HMCN2: variants seen among roughly 807,000 people sequenced by gnomAD.
The protein encoded by HMCN2 is hemicentin 2.
In HMCN2, 325 loss-of-function variants were observed where a neutral mutation model predicts 377.5. The ratio of observed to expected loss-of-function variants is 0.86; its 90% CI spans 0.79 to 0.94. The LOEUF (loss-of-function observed/expected upper bound fraction) is 0.94. Ranked by LOEUF, HMCN2 falls within the 40% of genes least tolerant of loss-of-function variation. HMCN2 has a pLI of 0.00. For missense variants in HMCN2, 4,543 were observed against 4,725.3 expected (o/e 0.96, Z 1.13); for synonymous variants, 2,007 against 2,046.8 (o/e 0.98, Z 0.53).
chr9:130,298,688 G>A (rs1164504655), intron 7 of HMCN2, among the ~76,000 whole-genome samples: 2 of 152,140 alleles, frequency 1.3e-5, no homozygotes, highest in African/African-American at 2.4e-5. Flanking sequence ...GCCATTCCCT[G>A]AAGCCTGTCT....
At position 130,393,106 on chromosome 9, in the gene HMCN2, G is replaced by A. The variant is rs894373102; in HGVS notation, c.10137-106G>A. ...TGGGAGACAAAGGTTGGAAAAGGGAGGAAGTCTTTCCACGCAGCCAGCCTC... is the reference window on the plus strand; with the variant it reads ...TGGGAGACAAAGGTTGGAAAAGGGAAGAAGTCTTTCCACGCAGCCAGCCTC... On this transcript the variant is annotated intron_variant, in intron 66 of 97. Coordinates refer to ENST00000683500, the MANE Select transcript of HMCN2 (RefSeq NM_001291815.2). This position sits in a 1 kb window ranked among gnomAD's most constrained non-coding sequence, Gnocchi z 5.2. 7.2e-6 allele frequency: 5 copies of A among 696,304 alleles called. No homozygotes were observed. In the African/African-American group the frequency reaches 7.8e-5, roughly 11 times the overall value. 43.1% of individuals were successfully genotyped at this position (696,304 alleles called of 1,614,324 possible).
chr9:130,370,639 C>G (rs900413526), intron 45 of HMCN2, among the ~76,000 whole-genome samples: 1 of 152,220 alleles, frequency 6.6e-6, no homozygotes, highest in African/African-American at 2.4e-5. Context: ...GCACTAATTC[C>G]GGTCCCACTG....
At chr9:130,424,481 C>T (rs548956826) in intron 87 of HMCN2, among the ~76,000 whole-genome samples, 31 of 152,186 alleles carry the variant, frequency 2.0e-4, no homozygotes, top group African/African-American at 5.8e-4. Context: ...CCACCGCGCC[C>T]GGCCTGTCCT....
At chr9:130,348,490 G>A (rs923092842) in intron 26 of HMCN2, 55 bp from the exon 27 acceptor site, 6 of 1,290,360 alleles carry the variant, frequency 4.6e-6, no homozygotes, top group South Asian at 1.2e-5. Context: ...AGGTCCCTTC[G>A]GCTGTGGCTC....
intron 5 of HMCN2, 42 bp downstream of exon 5, chr9:130,295,068 A>G (rs1241245635): frequency 1.2e-5 from 5 of 402,160 alleles, no homozygotes; most frequent in African/African-American, 6.3e-5. Context: ...TGGCCCCAAG[A>G]CTGAGGTGGA....
intron 1 of HMCN2, among the ~76,000 whole-genome samples, chr9:130,275,293 C>T (rs567863615): frequency 5.9e-5 from 9 of 152,218 alleles, no homozygotes; most frequent in Non-Finnish European, 1.0e-4. Context: ...AAGTGGCTTT[C>T]GCCGGTCAGA....
intron 3 of HMCN2, among the ~76,000 whole-genome samples, chr9:130,285,648 T>A (rs1835378063): frequency 6.6e-6 from 1 of 152,216 alleles, no homozygotes; most frequent in African/African-American, 2.4e-5. Flanking sequence ...CTGCTCCTGT[T>A]CTCTGCCGTT....
intron 1 of HMCN2, 24 bp from the exon 2 acceptor site, chr9:130,284,579 G>A (rs782170368): frequency 6.4e-6 from 3 of 471,092 alleles, no homozygotes; most frequent in South Asian, 3.1e-5. Context: ...AGCCCATCTG[G>A]GCGTCCCTCT....
chr9:130,430,727 G>T, intron 95 of HMCN2, 123 bp downstream of exon 95: 1 of 894,230 alleles, frequency 1.1e-6, no homozygotes, highest in Non-Finnish European at 1.7e-6. Context: ...AGTGGGGTGA[G>T]TGGTGTGGTG....
chr9:130,358,169 G>C (rs750493315), intron 35 of HMCN2, among the ~76,000 whole-genome samples, 181 bp downstream of exon 35: 24 of 152,334 alleles, frequency 1.6e-4, no homozygotes, highest in South Asian at 6.2e-4. Context: ...TCAGTTGTCA[G>C]AGGGAGAAAA....
In HMCN2 at chr9:130,423,706, G is replaced by A. The variant is rs1844150284; in HGVS notation, c.13381+980G>A. Among the ~76,000 whole-genome samples the A allele has an allele frequency of 6.6e-6, 1 of 152,204 alleles. No individual in the cohort carries two copies. The highest frequency in any genetic ancestry group is 6.5e-5 in the Admixed American group (1 of 15,278). On this transcript the variant is annotated intron_variant, in intron 87 of 97. Transcript: ENST00000683500. This position sits in a 1 kb window ranked among gnomAD's most constrained non-coding sequence, Gnocchi z 5.5. ...GGTGTGTTCCCCTTGCCCAGTCCAT[G>A]GCCCCACCTGGTCCTGCGTGGAGGG...
rs149482359 is a variant in HMCN2 at position 130,300,230 on chromosome 9, C to A, written c.1276+942C>A. On this transcript the variant is annotated intron_variant, in intron 8 of 97. Coordinates refer to ENST00000683500, the MANE Select transcript of HMCN2 (RefSeq NM_001291815.2). ...ACCCATTCACTATTAATTCACCTAT[C>A]TATCCATCTATTTATCCATCTATCC... 5.9e-5 allele frequency among the ~76,000 whole-genome samples: 9 copies of A among 152,230 alleles called. No homozygotes were observed. In the East Asian group the frequency reaches 1.7e-3, roughly 29 times the overall value.
At chr9:130,318,000 A>G (rs1254452820) in intron 15 of HMCN2, among the ~76,000 whole-genome samples, 3 of 152,000 alleles carry the variant, frequency 2.0e-5, no homozygotes, top group Non-Finnish European at 4.4e-5. Flanking sequence ...TAGGTGAGGT[A>G]TGGCAAAGCT....
At chr9:130,401,523 A>G (rs528416623) in intron 77 of HMCN2, among the ~76,000 whole-genome samples, 45 of 152,126 alleles carry the variant, frequency 3.0e-4, no homozygotes, top group African/African-American at 1.0e-3. Context: ...GGGTTTCACT[A>G]TGTTGGCCAG....
chr9:130,282,931 T>C (rs528540599), intron 1 of HMCN2, among the ~76,000 whole-genome samples: 119 of 152,100 alleles, frequency 7.8e-4, no homozygotes, highest in African/African-American at 2.7e-3. Context: ...ATTTGCTGGG[T>C]GTGGTGGCAC....
intron 15 of HMCN2, among the ~76,000 whole-genome samples, chr9:130,315,197 CCCTCCCTCCCCTCCCCT>C: frequency 1.4e-4 from 1 of 7,060 alleles, no homozygotes; most frequent in East Asian, 3.9e-3. Context: ...TCCCTCCCTC[CCCTCCCTCCCCTCCCCT>C]CCCTCCCCTC....
At chr9:130,273,269 A>G (rs905090947) in intron 1 of HMCN2, among the ~76,000 whole-genome samples, 11 of 151,900 alleles carry the variant, frequency 7.2e-5, no homozygotes, top group African/African-American at 2.7e-4. Flanking sequence ...TTCATTTCAT[A>G]TATTAATTTT....
Position 130,422,712 on chromosome 9 carries a change from T to A in HMCN2, c.13367T>A (p.Val4456Asp). The change falls in exon 87 of 98, where the codon GTC (valine) becomes GAC (aspartate). Residue 4456 changes from valine to aspartate, a missense_variant. Coordinates refer to ENST00000683500, the MANE Select transcript of HMCN2 (RefSeq NM_001291815.2). This position sits in a 1 kb window ranked among gnomAD's most constrained non-coding sequence, Gnocchi z 4.2. ...VSSIHSSIRH[V>D]PANVGPLMRV... ...AGCATCCACAGCAGCATCCGCCATG[T>A]CCCAGCAAACGTGGGTGAGTGGAAG... 1 of 1,280,708 alleles carries A rather than the reference T, an allele frequency of 7.8e-7. No individual in the cohort carries two copies. The allele number at this position is 1,280,708 out of a possible 1,614,324, so 79.3% of individuals were successfully genotyped here.
Position 130,269,631 on chromosome 9 carries a change from A to G in HMCN2, c.259+3494A>G, listed in dbSNP as rs572979483. ...TGGAAAATGATATCTTCTTGTTTCAATTGCTAGTGAGGTTCAATATGTCTT... is the reference window on the plus strand; with the variant it reads ...TGGAAAATGATATCTTCTTGTTTCAGTTGCTAGTGAGGTTCAATATGTCTT... On this transcript the variant is annotated intron_variant, in intron 1 of 97. Transcript: ENST00000683500. Among the ~76,000 whole-genome samples the G allele has an allele frequency of 1.5e-3, 225 of 148,678 alleles. 8 individuals carry two copies. The highest frequency in any genetic ancestry group is 5.2e-3 in the African/African-American group (214 of 41,308).
Sources: allele counts gnomAD v4.1 joint callset (sites outside exome capture counted in the v4.1 genomes callset), GRCh38; gene constraint gnomAD v4.1.1; non-coding constraint Gnocchi (gnomAD v3.1); transcripts MANE v1.5; gene names NCBI Gene and HGNC (gene_info 2026-07-23, HGNC 2026-07-21).